Variants in ALOX5 observed in about 807,000 individuals in gnomAD.
ALOX5 encodes polyunsaturated fatty acid 5-lipoxygenase.
In ALOX5, 64 loss-of-function variants were observed where a neutral mutation model predicts 87.9. The observed-to-expected ratio is 0.73, with a 90% CI of 0.60 to 0.90. The LOEUF (loss-of-function observed/expected upper bound fraction) is 0.90, where lower values mean the gene tolerates loss of function less well. Among genes scored for constraint, ALOX5 ranks in the 40% least tolerant of loss-of-function variants. ALOX5 has a pLI of 0.00. For missense variants in ALOX5, 822 were observed against 907.5 expected (o/e 0.91, Z 1.21); for synonymous variants, 388 against 355.1 (o/e 1.09, Z -1.04).
At chr10:45,386,416 T>C (rs1010795680) in intron 2 of ALOX5, among the ~76,000 whole-genome samples, 9 of 151,954 alleles carry the variant, frequency 5.9e-5, no homozygotes, top group Non-Finnish European at 1.2e-4. Context: ...CAGGGAGCTA[T>C]GATCATGCCA....
intron 4 of ALOX5, among the ~76,000 whole-genome samples, chr10:45,422,174 G>A (rs1409508494): frequency 6.6e-6 from 1 of 152,174 alleles, no homozygotes; most frequent in Non-Finnish European, 1.5e-5. Flanking sequence ...CCCCCCTGTG[G>A]TTGCTCCAGT....
At chr10:45,437,537 C>T (rs1842095799) in intron 7 of ALOX5, among the ~76,000 whole-genome samples, 1 of 152,154 alleles carries the variant, frequency 6.6e-6, no homozygotes, top group Non-Finnish European at 1.5e-5. Flanking sequence ...TCATATGTAG[C>T]TGTTAGATAT....
intron 6 of ALOX5, 182 bp from the exon 7 acceptor site, chr10:45,428,436 C>T: frequency 1.3e-6 from 1 of 742,208 alleles, no homozygotes; most frequent in Non-Finnish European, 2.1e-6. Context: ...CTGCCACAAC[C>T]TGTGAACACC....
chr10:45,420,155 G>A (rs1393835664), intron 4 of ALOX5, among the ~76,000 whole-genome samples: 1 of 152,094 alleles, frequency 6.6e-6, no homozygotes, highest in Non-Finnish European at 1.5e-5. Flanking sequence ...GAAATCCTTG[G>A]AAATTTAAAA....
intron 3 of ALOX5, among the ~76,000 whole-genome samples, chr10:45,408,465 C>G (rs1840955889): frequency 6.6e-6 from 1 of 152,068 alleles, no homozygotes; most frequent in African/African-American, 2.4e-5. Context: ...CTTGGAATGT[C>G]TAGGTTAAGA....
rs768768474 is a variant in ALOX5 at position 45,428,671 on chromosome 10, C to T, written c.888C>T (p.Asn296=). The part of the protein sequence containing the change: ...DFELLDGIDA[N]KTDPCTLQFL... ...AGCTGCTGGATGGCATCGATGCCAA[C>T]AAAACAGACCCCTGCACACTCCAGT... Residue 296 remains asparagine (N), a synonymous_variant, in exon 7 of 14, where the codon AAC becomes AAT. Coordinates refer to ENST00000374391, the MANE Select transcript of ALOX5 (RefSeq NM_000698.5). The T allele has an allele frequency of 6.2e-6, 10 of 1,614,028 alleles. 1 individual carries two copies. The highest frequency in any genetic ancestry group is 8.5e-6 in the Non-Finnish European group (10 of 1,180,038).
At chr10:45,434,343 C>A (rs1842000783) in intron 7 of ALOX5, among the ~76,000 whole-genome samples, 1 of 152,192 alleles carries the variant, frequency 6.6e-6, no homozygotes, top group Admixed American at 6.5e-5. Context: ...TCGCTAGCAG[C>A]CACTCAGCAG....
chr10:45,435,734 A>G (rs1289135386), intron 7 of ALOX5, among the ~76,000 whole-genome samples: 5 of 152,236 alleles, frequency 3.3e-5, no homozygotes, highest in Non-Finnish European at 5.9e-5. Flanking sequence ...CAGTGCTGCA[A>G]TAAACATATG....
At chr10:45,375,348 G>C (rs145294963) in intron 1 of ALOX5, among the ~76,000 whole-genome samples, 1 of 152,272 alleles carries the variant, frequency 6.6e-6, no homozygotes, top group Non-Finnish European at 1.5e-5. Flanking sequence ...TTCTCACTGA[G>C]CCTTTAATGA....
chr10:45,438,635 T>C (rs1222294960), intron 7 of ALOX5, among the ~76,000 whole-genome samples: 1 of 152,180 alleles, frequency 6.6e-6, no homozygotes, highest in Non-Finnish European at 1.5e-5. Flanking sequence ...CAGGTATCAG[T>C]GGCCCAGGCA....
chr10:45,416,240 A>T (rs76053611), intron 4 of ALOX5, among the ~76,000 whole-genome samples: 2 of 152,160 alleles, frequency 1.3e-5, no homozygotes, highest in Admixed American at 6.5e-5. Flanking sequence ...CTGAGTCTCC[A>T]AGGGGTCAAG....
At chr10:45,393,561 T>C (rs1840378707) in intron 2 of ALOX5, among the ~76,000 whole-genome samples, 1 of 152,184 alleles carries the variant, frequency 6.6e-6, no homozygotes, top group Non-Finnish European at 1.5e-5. Context: ...GGATGCCCTC[T>C]CTCACCACTC....
At chr10:45,408,696 T>C (rs948750440) in intron 3 of ALOX5, among the ~76,000 whole-genome samples, 21 of 152,318 alleles carry the variant, frequency 1.4e-4, no homozygotes, top group Admixed American at 5.2e-4. Flanking sequence ...TATCATGGCC[T>C]GAACTAATTT....
At chr10:45,391,715 A>T (rs1324983176) in intron 2 of ALOX5, among the ~76,000 whole-genome samples, 1 of 147,500 alleles carries the variant, frequency 6.8e-6, no homozygotes, top group Non-Finnish European at 1.5e-5. Flanking sequence ...GCCGCCCATC[A>T]TCTGAGATGT....
In ALOX5 at chr10:45,395,929, C is replaced by T; in HGVS notation, c.424C>T (p.Gln142Ter). The T allele has an allele frequency of 1.2e-6, 2 of 1,614,188 alleles. No homozygotes were observed. The highest frequency in any genetic ancestry group is 2.2e-5 in the South Asian group (2 of 91,088). ...TAAAGAACTGGAAACACGGCAAAAA[C>T]AATATCGGTGAGTTATGACATCAGA... ...RRKELETRQKQYRWMEWNPGF... is the reference protein window; with the variant it reads ...RRKELETRQK The change falls in exon 3 of 14, where the codon CAA becomes TAA. Residue 142 changes from glutamine to a stop codon, truncating the protein, a stop_gained. Coordinates refer to ENST00000374391, the MANE Select transcript of ALOX5 (RefSeq NM_000698.5). LOFTEE classifies it high-confidence loss of function.
At chr10:45,383,437 C>G (rs1839910139) in intron 2 of ALOX5, among the ~76,000 whole-genome samples, 1 of 152,220 alleles carries the variant, frequency 6.6e-6, no homozygotes, top group Non-Finnish European at 1.5e-5. Context: ...AAAATCCTAC[C>G]TCACTTCGAG....
intron 7 of ALOX5, among the ~76,000 whole-genome samples, chr10:45,435,302 C>T (rs187235164): frequency 1.3e-5 from 2 of 151,602 alleles, no homozygotes; most frequent in South Asian, 2.1e-4. Context: ...GATTCAGGTA[C>T]ATGTGCAGGT....
intron 3 of ALOX5, among the ~76,000 whole-genome samples, chr10:45,396,869 T>C (rs1840525930): frequency 1.3e-5 from 2 of 152,202 alleles, no homozygotes; most frequent in South Asian, 4.1e-4. Flanking sequence ...AATATGAACA[T>C]GTGGGATTTA....
intron 4 of ALOX5, 72 bp downstream of exon 4, chr10:45,412,385 C>G (rs779023294): frequency 6.3e-7 from 1 of 1,580,630 alleles, no homozygotes; most frequent in South Asian, 1.2e-5. Flanking sequence ...AACCCTCACT[C>G]CTTTCCTCAT....
Sources: allele counts gnomAD v4.1 joint callset (sites outside exome capture counted in the v4.1 genomes callset), GRCh38; gene constraint gnomAD v4.1.1; transcripts MANE v1.5; gene names NCBI Gene and HGNC (gene_info 2026-07-23, HGNC 2026-07-21).